The following AHCTF1 variants were observed in gnomAD, a reference collection of about 807,000 sequenced individuals.
AHCTF1 encodes the protein protein ELYS.
In AHCTF1, 24 loss-of-function variants were observed where a neutral mutation model predicts 248.4. The ratio of observed to expected loss-of-function variants is 0.10; its 90% CI spans 0.07 to 0.14. The LOEUF (loss-of-function observed/expected upper bound fraction) is 0.14. AHCTF1 is among the 10% of genes least tolerant of loss of function. The pLI is 1.00. For missense variants in AHCTF1, 2,206 were observed against 2,636.2 expected, an observed-to-expected ratio of 0.84 and a Z score of 3.57; for synonymous variants, 786 against 929.8, an observed-to-expected ratio of 0.85 and a Z score of 2.81.
At chr1:246,897,151 T>C (rs1267126886) in intron 12 of AHCTF1, among the ~76,000 whole-genome samples, 1 of 151,916 alleles carries the variant, frequency 6.6e-6, no homozygotes, top group African/African-American at 2.4e-5. Context: ...CTGTCTCTAC[T>C]AAAAATAAAA....
rs1661758696 is a variant in AHCTF1 at position 246,863,913 on chromosome 1, T to G, written c.3540+11A>C. ...AGTTTGATTGTGAACGCTAGATGCG[T>G]AAATACTAACCTTAACTACAAGAGG... On this transcript the variant is annotated intron_variant, in intron 27 of 35. Transcript: ENST00000648844. The G allele has an allele frequency of 6.2e-7, 1 of 1,613,200 alleles. No homozygotes were observed. Among genetic ancestry groups the G allele is most frequent in the African/African-American group, 1.3e-5 (1 of 74,886 alleles).
chr1:246,876,304 A>G, intron 23 of AHCTF1, 117 bp from the exon 24 acceptor site: 1 of 890,412 alleles, frequency 1.1e-6, no homozygotes, highest in Admixed American at 3.5e-5. Context: ...CCCTACCTAC[A>G]TATCCATTTT....
At position 246,851,283 on chromosome 1, in the gene AHCTF1, C is replaced by G. The variant is rs1412889492; in HGVS notation, c.4723G>C (p.Glu1575Gln). 4.3e-6 allele frequency: 7 copies of G among 1,613,856 alleles called. No homozygotes were observed. The highest frequency in any genetic ancestry group is 5.9e-6 in the Non-Finnish European group (7 of 1,179,906). ...CDLADNKDTA[E>Q]CDIAEVDGEL... ...CCATCTACTTCAGCAATGTCACATT[C>G]AGCAGTGTCTTTGTTATCAGCTAAG... Residue 1575 changes from glutamate (E) to glutamine (Q), a missense_variant, in exon 33 of 36, where the codon GAA becomes CAA. This residue lies in a region of AHCTF1 where 955 missense variants were observed against 1,055.6 expected (regional missense o/e 0.90). Coordinates refer to ENST00000648844, the MANE Select transcript of AHCTF1 (RefSeq NM_001323342.2).
rs147723200 is a variant in AHCTF1 at position 246,916,301 on chromosome 1, T to G, written c.216A>C (p.Gly72=). ...GERLSAYRFS[G]VNEQPPVVLA... ...AAACTACAGGAGGCTGTTCATTGAC[T>G]CCACTGAATCTGTAAGCAGACAATC... is the stretch of plus-strand genomic sequence containing the variant. Residue 72 remains glycine (G), a synonymous_variant, in exon 3 of 36, where the codon GGA becomes GGC. Coordinates refer to ENST00000648844, the MANE Select transcript of AHCTF1 (RefSeq NM_001323342.2). The G allele has an allele frequency of 1.2e-4, 190 of 1,609,350 alleles. 2 individuals are homozygous for G. In the African/African-American group the frequency reaches 2.2e-3, roughly 19 times the overall value.
rs755739389 is a variant in AHCTF1 at position 246,900,320 on chromosome 1, A to G, written c.1250+17T>C. ...CAAATACAAAGAGAAAGGAGAGAGA[A>G]AAAAAAAGAATCATACCTTAACGAA... On this transcript the variant is annotated intron_variant, in intron 9 of 35. Transcript: ENST00000648844. 180 of 1,582,396 alleles carry G rather than the reference A, an allele frequency of 1.1e-4. No individual in the cohort carries two copies. Among genetic ancestry groups the G allele is most frequent in the Non-Finnish European group, 1.4e-4 (165 of 1,172,036 alleles).
At chr1:246,912,563 A>T (rs754397667) in intron 4 of AHCTF1, among the ~76,000 whole-genome samples, 9 of 152,178 alleles carry the variant, frequency 5.9e-5, no homozygotes, top group Non-Finnish European at 1.2e-4. Flanking sequence ...TTTTCTAAAA[A>T]TTAAGAGTAA....
intron 4 of AHCTF1, among the ~76,000 whole-genome samples, chr1:246,910,896 G>A (rs908432193): frequency 2.0e-5 from 3 of 152,184 alleles, no homozygotes; most frequent in East Asian, 1.9e-4. Flanking sequence ...ATAAGAAACC[G>A]GTTAAGTCTG....
At chr1:246,890,324 AAAT>A (rs1261832103) in intron 16 of AHCTF1, among the ~76,000 whole-genome samples, 2 of 152,208 alleles carry the variant, frequency 1.3e-5, no homozygotes, top group African/African-American at 2.4e-5. Context: ...CCTTAGGCAC[AAAT>A]AATAATTTGA....
Position 246,850,031 on chromosome 1 carries a change from T to C in AHCTF1, c.5975A>G (p.Lys1992Arg). The change falls in exon 33 of 36, where the codon AAG becomes AGG. Residue 1992 changes from lysine (K) to arginine (R), a missense_variant. Coordinates refer to ENST00000648844, the MANE Select transcript of AHCTF1 (RefSeq NM_001323342.2). ...PSEDVGSKAV[K>R]EERSPKKKEA... is the part of the protein sequence containing the mutation. ...TTTCTTCTTGGGGCTTCTCTCTTCC[T>C]TAACAGCCTTAGATCCTACATCTTC... 3 of 1,613,942 alleles carry C rather than the reference T, an allele frequency of 1.9e-6. No individual in the cohort carries two copies. The highest frequency in any genetic ancestry group is 2.5e-6 in the Non-Finnish European group (3 of 1,179,858).
chr1:246,894,553 A>C, intron 14 of AHCTF1, 106 bp downstream of exon 14: 2 of 934,992 alleles, frequency 2.1e-6, no homozygotes, highest in East Asian at 5.3e-5. Flanking sequence ...AAAAAAGAAA[A>C]GAGTTTACAA....
Position 246,864,018 on chromosome 1 carries a change from C to A in AHCTF1, c.3446G>T (p.Arg1149Leu). 1 of 1,613,988 alleles carries A rather than the reference C, an allele frequency of 6.2e-7. No homozygotes were observed. Among genetic ancestry groups the A allele is most frequent in the Non-Finnish European group, 8.5e-7 (1 of 1,179,974 alleles). ...SMKSPLYLVS[R>L]SLPSSSQLKG... ...TAATTGCGAACTTGAGGGCAGTGAACGGGATACTAGGTACAAAGGAGATTT... is the reference window on the plus strand; with the variant it reads ...TAATTGCGAACTTGAGGGCAGTGAAAGGGATACTAGGTACAAAGGAGATTT... Residue 1149 changes from arginine (R) to leucine (L), a missense_variant, in exon 27 of 36, where the codon CGT becomes CTT. Physicochemically the swap from Arg to Leu is moderately radical, Grantham distance 102. This residue lies in a region of AHCTF1 where 955 missense variants were observed against 1,055.6 expected (regional missense o/e 0.90). Coordinates refer to ENST00000648844, the MANE Select transcript of AHCTF1 (RefSeq NM_001323342.2).
intron 1 of AHCTF1, among the ~76,000 whole-genome samples, chr1:246,930,582 A>T (rs1037437542): frequency 7.0e-6 from 1 of 143,406 alleles, no homozygotes; most frequent in African/African-American, 2.6e-5. Context: ...ACAAAAAAAC[A>T]GTTTAAAAAA....
In AHCTF1 at chr1:246,840,912, T is replaced by C. The variant is rs1659813460; in HGVS notation, c.6695A>G (p.Lys2232Arg). The C allele has an allele frequency of 1.2e-6, 2 of 1,613,516 alleles. No individual in the cohort carries two copies. The highest frequency in any genetic ancestry group is 1.7e-6 in the Non-Finnish European group (2 of 1,179,662). The change falls in exon 36 of 36, where the codon AAG becomes AGG. Residue 2232 changes from lysine to arginine, a missense_variant. Coordinates refer to ENST00000648844, the MANE Select transcript of AHCTF1 (RefSeq NM_001323342.2). Reference sequence around the variant, plus strand: ...TTCTGTAGTTTTTCTTGGTTTGCTCTTGACTCCGTCAGCTGGGCTAGCCAA... The same window carrying C: ...TTCTGTAGTTTTTCTTGGTTTGCTCCTGACTCCGTCAGCTGGGCTAGCCAA... ...SPLASPADGV[K>R]SKPRKTTEVT...
At chr1:246,846,548 T>C (rs1461182245) in intron 33 of AHCTF1, among the ~76,000 whole-genome samples, 1 of 152,088 alleles carries the variant, frequency 6.6e-6, no homozygotes, top group Non-Finnish European at 1.5e-5. Context: ...AATCCCAAGT[T>C]TCTTATCCCT....
intron 33 of AHCTF1, among the ~76,000 whole-genome samples, chr1:246,845,055 G>GTT (rs1340916862): frequency 6.6e-6 from 1 of 152,154 alleles, no homozygotes; most frequent in Non-Finnish European, 1.5e-5. Flanking sequence ...AGGGTAGGTG[G>GTT]TAAGTGCTCT....
intron 33 of AHCTF1, among the ~76,000 whole-genome samples, chr1:246,848,544 A>C (rs1660455608): frequency 6.6e-6 from 1 of 151,662 alleles, no homozygotes; most frequent in Non-Finnish European, 1.5e-5. Context: ...GCTTTGCTGA[A>C]ATTCAAATAT....
At chr1:246,918,574 A>AGACCATCCTGGCTAACAAGG (rs1666308073) in intron 1 of AHCTF1, among the ~76,000 whole-genome samples, 197 bp from the exon 2 acceptor site, 1 of 152,270 alleles carries the variant, frequency 6.6e-6, no homozygotes, top group Non-Finnish European at 1.5e-5. Context: ...AGGCAGGCGG[A>AGACCATCCTGGCTAACAAGG]TGAACTGATC....
rs558903673 is a variant in AHCTF1 at position 246,900,324 on chromosome 1, A to C, written c.1250+13T>G. ...TACAAAGAGAAAGGAGAGAGAAAAAAAAAGAATCATACCTTAACGAATCTG... is the reference window on the plus strand; with the variant it reads ...TACAAAGAGAAAGGAGAGAGAAAAACAAAGAATCATACCTTAACGAATCTG... On this transcript the variant is annotated intron_variant, in intron 9 of 35. Transcript: ENST00000648844. 1 of 1,583,390 alleles carries C rather than the reference A, an allele frequency of 6.3e-7. No homozygotes were observed. The highest frequency in any genetic ancestry group is 2.0e-5 in the Admixed American group (1 of 49,256).
Position 246,894,744 on chromosome 1 carries a change from T to G in AHCTF1, c.1719A>C (p.Gln573His). ...AGCGCAAATTAGTGGCAGAATTTGG[T>G]TGTTCTTATTTGTAAATACAAAAGG... is the stretch of plus-strand genomic sequence containing the variant. ...GYIRRWITEE[Q>H]PNSATNLRFV... The change falls in exon 14 of 36, where the codon CAA becomes CAC. Residue 573 changes from glutamine to histidine, a missense_variant. Gln to His is a conservative substitution (Grantham distance 24, BLOSUM62 0). Transcript: ENST00000648844. The G allele has an allele frequency of 6.2e-7, 1 of 1,612,730 alleles. No individual in the cohort carries two copies. Among genetic ancestry groups the G allele is most frequent in the Non-Finnish European group, 8.5e-7 (1 of 1,178,862 alleles).
Sources: allele counts gnomAD v4.1 joint callset (sites outside exome capture counted in the v4.1 genomes callset), GRCh38; gene constraint gnomAD v4.1.1; regional missense constraint gnomAD v4.1.1; transcripts MANE v1.5; gene names NCBI Gene and HGNC (gene_info 2026-07-23, HGNC 2026-07-21).